The following C14orf39 variants were observed in gnomAD, a reference collection of about 807,000 sequenced individuals.
C14orf39 encodes protein SIX6OS1.
C14orf39 carries 66 observed loss-of-function variants against 85.6 expected under a neutral mutation model. The observed-to-expected ratio is 0.77, with a 90% CI of 0.63 to 0.95. The LOEUF (loss-of-function observed/expected upper bound fraction) is 0.95. Ranked by LOEUF, C14orf39 falls within the 40% of genes least tolerant of loss-of-function variation. The pLI, the probability that C14orf39 is intolerant of heterozygous loss-of-function variation, is 0.00. For missense variants in C14orf39, 735 were observed against 663.9 expected (o/e 1.11, Z -1.18); for synonymous variants, 242 against 214.0 (o/e 1.13, Z -1.14).
intron 5 of C14orf39, among the ~76,000 whole-genome samples, chr14:60,472,466 AT>A (rs1366756694): frequency 1.3e-5 from 2 of 152,108 alleles, no homozygotes; most frequent in Non-Finnish European, 2.9e-5. Context: ...TTTGTTACAT[AT>A]GTATACATGT....
chr14:60,485,029 C>T lies in C14orf39; in HGVS notation c.49+1G>A. 1 of 1,609,294 alleles carries T rather than the reference C, an allele frequency of 6.2e-7. No individual in the cohort carries two copies. The highest frequency in any genetic ancestry group is 8.5e-7 in the Non-Finnish European group (1 of 1,179,012). On this transcript the variant is annotated splice_donor_variant, in intron 2 of 17. Transcript: ENST00000321731. LOFTEE classifies it high-confidence loss of function. The stretch of plus-strand genomic sequence containing the variant: ...TACCTATTTTTTCACTTTATACCTA[C>T]CAAATTCTAGCAAAAGTCTGTCCAA...
At chr14:60,469,312 T>C (rs1891952617) in intron 8 of C14orf39, among the ~76,000 whole-genome samples, 1 of 147,692 alleles carries the variant, frequency 6.8e-6, no homozygotes, top group Non-Finnish European at 1.5e-5. Flanking sequence ...TATTAAATTA[T>C]ATACAAATTA....
chr14:60,501,123 G>C (rs1480752017), intron 1 of C14orf39, among the ~76,000 whole-genome samples: 1 of 151,944 alleles, frequency 6.6e-6, no homozygotes, highest in Non-Finnish European at 1.5e-5. Context: ...GCAATATAGA[G>C]AGACCCTGTC....
chr14:60,450,738 G>A (rs138350338), intron 16 of C14orf39, among the ~76,000 whole-genome samples: 295 of 152,282 alleles, frequency 1.9e-3, no homozygotes, highest in African/African-American at 6.5e-3. Context: ...CTTCAGGAAT[G>A]GCCCAGTGCA....
In C14orf39 at chr14:60,468,444, CCTTT is replaced by C. The variant is rs886346841; in HGVS notation, c.764_767del (p.Arg256PhefsTer11). The C allele has an allele frequency of 7.1e-6, 11 of 1,555,208 alleles. No individual in the cohort carries two copies. The highest frequency in any genetic ancestry group is 2.6e-6 in the Non-Finnish European group (3 of 1,141,702). On this transcript the variant is annotated frameshift_variant and splice_region_variant, in exon 9 of 18. Coordinates refer to ENST00000321731, the MANE Select transcript of C14orf39 (RefSeq NM_174978.3). LOFTEE classifies it high-confidence loss of function. ...AATTTAATTTTAAAGGTTACCTATA[CCTTT>C]CTTTCAGTTCTTTTCTGTTTTCTGT...
chr14:60,459,950 T>C (rs1415802275), intron 13 of C14orf39, among the ~76,000 whole-genome samples: 1 of 151,756 alleles, frequency 6.6e-6, no homozygotes, highest in East Asian at 1.9e-4. Flanking sequence ...ATTCTTAATT[T>C]TAATATTGCC....
chr14:60,472,210 C>T (rs999195212), intron 5 of C14orf39, among the ~76,000 whole-genome samples: 1 of 145,962 alleles, frequency 6.9e-6, no homozygotes, highest in Non-Finnish European at 1.5e-5. Context: ...CTAAAATTAT[C>T]ACATGAAGTC....
At chr14:60,447,162 C>A (rs1460013157) in intron 16 of C14orf39, among the ~76,000 whole-genome samples, 2 of 152,282 alleles carry the variant, frequency 1.3e-5, no homozygotes, top group African/African-American at 2.4e-5. Context: ...CCCTCTCACA[C>A]CACTCCTGTT....
At chr14:60,462,301 A>G (rs1891569180) in intron 11 of C14orf39, among the ~76,000 whole-genome samples, 1 of 152,050 alleles carries the variant, frequency 6.6e-6, no homozygotes, top group African/African-American at 2.4e-5. Context: ...AGGTGGGATG[A>G]TCCATTGAGC....
intron 1 of C14orf39, chr14:60,512,032 CATAT>C (rs1893302886): frequency 2.4e-4 from 1 of 4,188 alleles, no homozygotes; most frequent in Admixed American, 5.0e-3. Flanking sequence ...CCTATACAAA[CATAT>C]GTATGTACCT....
At chr14:60,467,142 T>C (rs547905833) in intron 9 of C14orf39, 98 bp from the exon 10 acceptor site, 25 of 510,108 alleles carry the variant, frequency 4.9e-5, no homozygotes, top group Admixed American at 1.9e-4. Flanking sequence ...ATAAAACCCC[T>C]CGTTTTGCAG....
intron 1 of C14orf39, among the ~76,000 whole-genome samples, chr14:60,513,618 T>G (rs1425787181): frequency 3.3e-5 from 5 of 152,138 alleles, no homozygotes; most frequent in African/African-American, 1.2e-4. Context: ...TCTCTTAAGT[T>G]TATGCTTCCA....
At chr14:60,457,661 T>G (rs376845210) in intron 14 of C14orf39, among the ~76,000 whole-genome samples, 14 of 152,112 alleles carry the variant, frequency 9.2e-5, no homozygotes, top group Admixed American at 5.2e-4. Context: ...ACAGAAATAA[T>G]TTGGGTCTCT....
chr14:60,440,288 C>T (rs907077187), intron 17 of C14orf39, among the ~76,000 whole-genome samples: 7 of 151,746 alleles, frequency 4.6e-5, no homozygotes, highest in African/African-American at 2.4e-5. Context: ...TCAATTAAAA[C>T]ACTTCCTAAA....
In C14orf39 at chr14:60,478,335, T is replaced by C. The variant is rs758121773; in HGVS notation, c.288A>G (p.Gln96=). 9 of 1,580,848 alleles carry C rather than the reference T, an allele frequency of 5.7e-6. No individual in the cohort carries two copies. Among genetic ancestry groups the C allele is most frequent in the Non-Finnish European group, 7.7e-6 (9 of 1,167,042 alleles). Residue 96 remains glutamine, a synonymous_variant, in exon 5 of 18, where the codon CAA becomes CAG. Transcript: ENST00000321731. ...CAACAGTTCCTTGATAAACAGTAAA[T>C]TGGTCCTGCATATAATCTTCATGTT... ...FRKHEDYMQD[Q]FTVYQGTVEK... is the part of the protein sequence containing the mutation.
At chr14:60,500,581 C>G (rs778234541) in intron 1 of C14orf39, among the ~76,000 whole-genome samples, 9 of 152,060 alleles carry the variant, frequency 5.9e-5, no homozygotes, top group Non-Finnish European at 1.0e-4. Flanking sequence ...TGCTGTAGAA[C>G]ACAATGTAAC....
chr14:60,483,786 T>TAC lies in C14orf39; in HGVS notation c.136_137dup (p.Thr47Ter). 1 of 1,539,440 alleles carries TAC rather than the reference T, an allele frequency of 6.5e-7. No homozygotes were observed. Among genetic ancestry groups the TAC allele is most frequent in the Non-Finnish European group, 8.9e-7 (1 of 1,117,400 alleles). ...TAGTTTCGTGTATCCTACAAATAGT[T>TAC]ACTTTGTTTTCCTTAATATCTTCAC... is the stretch of plus-strand genomic sequence containing the variant. On this transcript the variant is annotated frameshift_variant, in exon 4 of 18. Coordinates refer to ENST00000321731, the MANE Select transcript of C14orf39 (RefSeq NM_174978.3). LOFTEE classifies it high-confidence loss of function.
At chr14:60,492,227 G>T (rs1357694292) in intron 2 of C14orf39, among the ~76,000 whole-genome samples, 3 of 152,220 alleles carry the variant, frequency 2.0e-5, no homozygotes, top group Non-Finnish European at 4.4e-5. Context: ...TCCACAGGAA[G>T]AGAAAAGACT....
chr14:60,495,841 C>A, intron 2 of C14orf39: 1 of 296,264 alleles, frequency 3.4e-6, no homozygotes, highest in Non-Finnish European at 6.7e-6. Flanking sequence ...CCATGGCTTC[C>A]TTTTCCCTTT....
Sources: gnomAD v4.1 joint callset for allele counts (sites outside exome capture counted in the v4.1 genomes callset) on GRCh38, gnomAD v4.1.1 for gene constraint, MANE v1.5 for transcripts, NCBI Gene and HGNC (gene_info 2026-07-23, HGNC 2026-07-21) for gene names.